The following MAST4 variants were observed in gnomAD, a reference collection of about 807,000 sequenced individuals.
MAST4 encodes the protein microtubule associated serine/threonine kinase family member 4, also known as microtubule-associated serine/threonine-protein kinase 4.
MAST4 carries 89 observed loss-of-function variants against 162.7 expected under a neutral mutation model. The observed-to-expected ratio is 0.55, with a 90% CI of 0.46 to 0.65. MAST4 has a LOEUF of 0.65. Ranked by LOEUF, MAST4 falls within the 30% of genes least tolerant of loss-of-function variation. MAST4 has a pLI of 0.00. For missense variants in MAST4, 3,153 were observed against 3,374.0 expected, an observed-to-expected ratio of 0.93 and a Z score of 1.62; for synonymous variants, 1,479 against 1,361.1, an observed-to-expected ratio of 1.09 and a Z score of -1.91.
intron 1 of MAST4, among the ~76,000 whole-genome samples, chr5:66,643,253 T>C (rs1745604859): frequency 6.6e-6 from 1 of 152,170 alleles, no homozygotes; most frequent in Non-Finnish European, 1.5e-5. Context: ...GAAGGGACTA[T>C]TTGGACTTCC....
At chr5:66,767,702 T>C (rs33722) in intron 2 of MAST4, among the ~76,000 whole-genome samples, 127,031 of 151,932 alleles carry the variant, frequency 0.84, 53,481 homozygotes, top group African/African-American at 0.91. Context: ...AGCTGAGGAG[T>C]AAGGAGAGCC....
At chr5:66,895,936 A>G (rs1158945881) in intron 3 of MAST4, among the ~76,000 whole-genome samples, 1 of 152,186 alleles carries the variant, frequency 6.6e-6, no homozygotes, top group Non-Finnish European at 1.5e-5. Context: ...AAATGTTGGC[A>G]TCATATATAA....
chr5:67,024,271 A>G (rs1192064456), intron 4 of MAST4, among the ~76,000 whole-genome samples: 1 of 150,708 alleles, frequency 6.6e-6, no homozygotes. Flanking sequence ...TATTCCATCC[A>G]CACACACGAT....
intron 1 of MAST4, among the ~76,000 whole-genome samples, chr5:66,758,912 T>C (rs1439239431): frequency 6.6e-6 from 1 of 151,948 alleles, no homozygotes; most frequent in African/African-American, 2.4e-5. Context: ...TTTGCAGCTG[T>C]CTTAGACACA....
intron 1 of MAST4, among the ~76,000 whole-genome samples, chr5:66,606,811 CATA>C (rs983878054): frequency 6.6e-6 from 1 of 151,918 alleles, no homozygotes. Flanking sequence ...GCACTTGAGA[CATA>C]ATGTGTGGCG....
chr5:67,000,062 C>T (rs1751109381), intron 4 of MAST4, among the ~76,000 whole-genome samples: 1 of 152,202 alleles, frequency 6.6e-6, no homozygotes, highest in South Asian at 2.1e-4. Context: ...ATTGCTCATT[C>T]AGGACAGCCA....
intron 1 of MAST4, among the ~76,000 whole-genome samples, chr5:66,725,807 G>A (rs898695003): frequency 2.0e-5 from 3 of 152,090 alleles, no homozygotes; most frequent in African/African-American, 7.2e-5. Flanking sequence ...TCTGCAGGAG[G>A]CACTATGATA....
At chr5:66,955,818 A>G (rs1745243535) in intron 4 of MAST4, among the ~76,000 whole-genome samples, 2 of 152,148 alleles carry the variant, frequency 1.3e-5, no homozygotes, top group African/African-American at 4.8e-5. Context: ...TATACTCAAT[A>G]TATATTTCAG....
chr5:67,085,517 G>A (rs778767141), intron 5 of MAST4, among the ~76,000 whole-genome samples: 4 of 152,192 alleles, frequency 2.6e-5, no homozygotes, highest in Non-Finnish European at 5.9e-5. Context: ...TATAGCTATG[G>A]AAGGGTCAAT....
Position 67,000,858 on chromosome 5 carries a change from GGATTTGACCCTTTCTTAAATA to G in MAST4, c.675-53545_675-53525del, listed in dbSNP as rs1751214653. Among the ~76,000 whole-genome samples, 7 of 152,214 alleles carry G rather than the reference GGATTTGACCCTTTCTTAAATA, an allele frequency of 4.6e-5. No homozygotes were observed. In the South Asian group the frequency reaches 8.3e-4, roughly 18 times the overall value. ...ATGTAGAAGGGGAGGTAATAGTGAAGGATTTGACCCTTTCTTAAATACTTATTTCTTCCTAAGCTTGCATTT... is the reference window on the plus strand; with the variant it reads ...ATGTAGAAGGGGAGGTAATAGTGAAGCTTATTTCTTCCTAAGCTTGCATTT... On this transcript the variant is annotated intron_variant, in intron 4 of 28. Coordinates refer to ENST00000403625, the MANE Select transcript of MAST4 (RefSeq NM_001164664.2).
At chr5:67,048,275 A>G (rs1035129142) in intron 4 of MAST4, among the ~76,000 whole-genome samples, 3 of 152,174 alleles carry the variant, frequency 2.0e-5, no homozygotes, top group Non-Finnish European at 4.4e-5. Flanking sequence ...CAAAGGAATA[A>G]TCTAAAAAGG....
intron 4 of MAST4, among the ~76,000 whole-genome samples, chr5:66,907,983 G>A (rs1420166396): frequency 6.6e-6 from 1 of 151,994 alleles, no homozygotes; most frequent in African/African-American, 2.4e-5. Context: ...TATTATCAAA[G>A]CCACATGGAA....
At chr5:66,820,551 G>A (rs1320899001) in intron 3 of MAST4, among the ~76,000 whole-genome samples, 1 of 152,032 alleles carries the variant, frequency 6.6e-6, no homozygotes, top group Admixed American at 6.5e-5. Context: ...ATATATATTG[G>A]AGCTATTTCC....
At chr5:66,623,590 T>G (rs1408745944) in intron 1 of MAST4, among the ~76,000 whole-genome samples, 1 of 152,170 alleles carries the variant, frequency 6.6e-6, no homozygotes, top group African/African-American at 2.4e-5. Flanking sequence ...ATTTTATGAT[T>G]AAAAACTCTG....
At chr5:66,926,245 A>G (rs1251821782) in intron 4 of MAST4, among the ~76,000 whole-genome samples, 1 of 152,158 alleles carries the variant, frequency 6.6e-6, no homozygotes, top group Non-Finnish European at 1.5e-5. Flanking sequence ...AGCTGATAGG[A>G]ATAAAATTAA....
At chr5:67,086,167 T>G (rs973367047) in intron 5 of MAST4, among the ~76,000 whole-genome samples, 1 of 152,030 alleles carries the variant, frequency 6.6e-6, no homozygotes, top group Admixed American at 6.6e-5. Context: ...CCACCAGGAG[T>G]TTAAATAGCA....
In MAST4 at chr5:67,114,186, A is replaced by G; in HGVS notation, c.1558A>G (p.Ser520Gly). ...AACCGACATTCCCAGGTACATCATT[A>G]GCCAACTGGGACTCAATAAGGATCC... ...IKTDIPRYII[S>G]QLGLNKDPLE... Residue 520 changes from serine to glycine, a missense_variant, in exon 12 of 29, where the codon AGC (serine) becomes GGC (glycine). Coordinates refer to ENST00000403625, the MANE Select transcript of MAST4 (RefSeq NM_001164664.2). The G allele has an allele frequency of 6.2e-7, 1 of 1,611,790 alleles. No individual in the cohort carries two copies. Among genetic ancestry groups the G allele is most frequent in the Non-Finnish European group, 8.5e-7 (1 of 1,179,174 alleles).
intron 4 of MAST4, among the ~76,000 whole-genome samples, chr5:67,023,191 A>C (rs1325334387): frequency 2.0e-5 from 3 of 152,212 alleles, no homozygotes; most frequent in Non-Finnish European, 4.4e-5. Context: ...TAAGTTACAT[A>C]TTCCATTGTA....
intron 1 of MAST4, among the ~76,000 whole-genome samples, chr5:66,701,930 T>C (rs1749803631): frequency 6.6e-6 from 1 of 152,238 alleles, no homozygotes; most frequent in Admixed American, 6.5e-5. Flanking sequence ...TAAATTCATA[T>C]ATAGTTCAAA....
Sources: allele counts gnomAD v4.1 joint callset (sites outside exome capture counted in the v4.1 genomes callset), GRCh38; gene constraint gnomAD v4.1.1; transcripts MANE v1.5; gene names NCBI Gene and HGNC (gene_info 2026-07-23, HGNC 2026-07-21).